The following CDK5RAP1 variants were observed in gnomAD, a reference collection of about 807,000 sequenced individuals.
The protein encoded by CDK5RAP1 is mitochondrial tRNA methylthiotransferase CDK5RAP1.
Under a neutral mutation model 64.5 loss-of-function variants are expected in CDK5RAP1, and 62 were observed. The observed-to-expected ratio is 0.96, with a 90% CI of 0.78 to 1.19. CDK5RAP1 has a LOEUF of 1.19. Among genes scored for constraint, CDK5RAP1 ranks in the 50% most tolerant of loss-of-function variants. CDK5RAP1 has a pLI of 0.00. For missense variants in CDK5RAP1, 657 were observed against 735.0 expected, an observed-to-expected ratio of 0.89 and a Z score of 1.23; for synonymous variants, 250 against 261.9, an observed-to-expected ratio of 0.95 and a Z score of 0.44.
intron 1 of CDK5RAP1, among the ~76,000 whole-genome samples, chr20:33,399,391 ATCACCCCC>A (rs1272927138): frequency 3.9e-5 from 6 of 152,142 alleles, no homozygotes; most frequent in African/African-American, 7.2e-5. Flanking sequence ...TGCTCTGGCC[ATCACCCCC>A]GAAGTCTAGG....
intron 12 of CDK5RAP1, among the ~76,000 whole-genome samples, chr20:33,361,111 T>C (rs1166798903): frequency 6.6e-6 from 1 of 152,180 alleles, no homozygotes; most frequent in Non-Finnish European, 1.5e-5. Context: ...TGTTTTCGGA[T>C]ACTGGACAAG....
At chr20:33,377,280 C>T (rs1391205107) in intron 8 of CDK5RAP1, among the ~76,000 whole-genome samples, 1 of 152,182 alleles carries the variant, frequency 6.6e-6, no homozygotes, top group Non-Finnish European at 1.5e-5. Flanking sequence ...ACATCTTCTT[C>T]CAACAGAAGA....
At chr20:33,389,497 G>C (rs1441745550) in intron 5 of CDK5RAP1, among the ~76,000 whole-genome samples, 26 of 151,482 alleles carry the variant, frequency 1.7e-4, no homozygotes, top group Non-Finnish European at 2.7e-4. Flanking sequence ...GGAGGTGGGG[G>C]TCAGCCCCCG....
In CDK5RAP1 at chr20:33,372,660, T is replaced by TA. The variant is rs1193961923; in HGVS notation, c.1242dup (p.Ile415TyrfsTer2). The TA allele has an allele frequency of 1.3e-6, 2 of 1,564,522 alleles. No individual in the cohort carries two copies. The highest frequency in any genetic ancestry group is 1.7e-6 in the Non-Finnish European group (2 of 1,158,986). Reference sequence around the variant, plus strand: ...AATGTACCTGGAATAGATTCTCTAATATGGTGAACTAACTCCACATAAGCT... The same window carrying TA: ...AATGTACCTGGAATAGATTCTCTAATAATGGTGAACTAACTCCACATAAGCT... On this transcript the variant is annotated frameshift_variant, in exon 10 of 14. Coordinates refer to ENST00000346416, the MANE Select transcript of CDK5RAP1 (RefSeq NM_016408.4). LOFTEE classifies it high-confidence loss of function.
In CDK5RAP1 at chr20:33,370,718, T is replaced by C. The variant is rs1037309139; in HGVS notation, c.1262-89A>G. 1.5e-5 allele frequency: 21 copies of C among 1,394,704 alleles called. No individual in the cohort carries two copies. The Admixed American group carries it at 1.7e-4, about 11-fold the overall frequency. The allele number at this position is 1,394,704 out of a possible 1,614,324, so 86.4% of individuals were successfully genotyped here. A position where few individuals can be genotyped will look rare whatever the true frequency, so the allele number is the denominator to read the frequency against. On this transcript the variant is annotated intron_variant, in intron 10 of 13. Coordinates refer to ENST00000346416, the MANE Select transcript of CDK5RAP1 (RefSeq NM_016408.4). ...GCATATGTGGATTACAAGGGAGGGA[T>C]AGCAACTGTAAGGTCCTCCCTAGGA...
chr20:33,389,704 T>G (rs1376847071), intron 5 of CDK5RAP1, among the ~76,000 whole-genome samples: 1 of 151,960 alleles, frequency 6.6e-6, no homozygotes, highest in Non-Finnish European at 1.5e-5. Context: ...GTCTGGGAGG[T>G]GTACACAACA....
intron 2 of CDK5RAP1, among the ~76,000 whole-genome samples, chr20:33,395,541 C>T (rs1374419661): frequency 6.6e-6 from 1 of 151,722 alleles, no homozygotes; most frequent in Non-Finnish European, 1.5e-5. Context: ...CTGAGGCTGC[C>T]GTGAGCCATG....
At chr20:33,366,033 T>C (rs1199075856) in intron 12 of CDK5RAP1, among the ~76,000 whole-genome samples, 2 of 152,120 alleles carry the variant, frequency 1.3e-5, no homozygotes, top group Non-Finnish European at 2.9e-5. Context: ...AGAAAGAGCT[T>C]TGTGGTCGAG....
rs1274996281 is a variant in CDK5RAP1, at chr20:33,396,775, C to T, written c.290G>A (p.Gly97Glu). The T allele has an allele frequency of 6.2e-7, 1 of 1,612,738 alleles. No individual in the cohort carries two copies. Among genetic ancestry groups the T allele is most frequent in the Admixed American group, 1.7e-5 (1 of 59,938 alleles). Residue 97 changes from glycine to glutamate, a missense_variant, in exon 2 of 14, where the codon GGA (glycine) becomes GAA (glutamate). Gly to Glu is a moderately conservative substitution (Grantham distance 98). Coordinates refer to ENST00000346416, the MANE Select transcript of CDK5RAP1 (RefSeq NM_016408.4). The stretch of plus-strand genomic sequence containing the variant: ...GTAAAACCAACCTTTTCTCTGCCTT[C>T]CAAGAAGTTCATCCATCATGAGATA... ...PPYLMMDELL[G>E]RQRKVYLETY...
At chr20:33,394,281 G>C (rs1469447091) in intron 3 of CDK5RAP1, among the ~76,000 whole-genome samples, 1 of 150,816 alleles carries the variant, frequency 6.6e-6, no homozygotes, top group Non-Finnish European at 1.5e-5. Context: ...TCCTGCCTCA[G>C]CCTGGGATTA....
intron 11 of CDK5RAP1, among the ~76,000 whole-genome samples, chr20:33,368,997 A>G (rs955290563): frequency 9.9e-5 from 15 of 151,606 alleles, no homozygotes; most frequent in African/African-American, 3.6e-4. Flanking sequence ...AAAATTAGCC[A>G]GGTGTGGTGG....
chr20:33,389,617 G>A (rs574284493), intron 5 of CDK5RAP1, among the ~76,000 whole-genome samples: 14 of 151,174 alleles, frequency 9.3e-5, no homozygotes, highest in South Asian at 2.1e-4. Flanking sequence ...CAGCCGCCCC[G>A]TCCAGGAGGT....
intron 13 of CDK5RAP1, 42 bp downstream of exon 13, chr20:33,360,309 T>C (rs762731437): frequency 1.3e-6 from 2 of 1,583,850 alleles, no homozygotes; most frequent in South Asian, 2.3e-5. Context: ...AAACCAACAC[T>C]CATTTCACAG....
At chr20:33,385,526 C>T in intron 7 of CDK5RAP1, 124 bp downstream of exon 7, 2 of 1,131,032 alleles carry the variant, frequency 1.8e-6, no homozygotes, top group Non-Finnish European at 2.5e-6. Flanking sequence ...AAAAGTAGTT[C>T]TTTCTGGCCA....
chr20:33,372,822 G>T, intron 9 of CDK5RAP1, 125 bp from the exon 10 acceptor site: 1 of 601,134 alleles, frequency 1.7e-6, no homozygotes, highest in Non-Finnish European at 2.9e-6. Flanking sequence ...GGGCACACGA[G>T]TAAATTAAAG....
chr20:33,370,682 G>A, intron 10 of CDK5RAP1, 53 bp from the exon 11 acceptor site: 1 of 1,603,202 alleles, frequency 6.2e-7, no homozygotes, highest in Middle Eastern at 1.7e-4. Context: ...TACCTTCAAG[G>A]GAGGCCTTCA....
At chr20:33,399,506 C>G (rs978700314) in intron 1 of CDK5RAP1, among the ~76,000 whole-genome samples, 3 of 152,186 alleles carry the variant, frequency 2.0e-5, no homozygotes, top group Non-Finnish European at 4.4e-5. Flanking sequence ...TTCTGCCAGC[C>G]CTAGTAAACT....
intron 1 of CDK5RAP1, among the ~76,000 whole-genome samples, chr20:33,399,419 C>T (rs959330588): frequency 6.6e-6 from 1 of 152,214 alleles, no homozygotes; most frequent in Non-Finnish European, 1.5e-5. Flanking sequence ...GTGGGGTCCT[C>T]CTCTGGGTTC....
intron 10 of CDK5RAP1, among the ~76,000 whole-genome samples, chr20:33,371,214 G>A (rs1476024863): frequency 6.6e-6 from 1 of 152,114 alleles, no homozygotes; most frequent in Non-Finnish European, 1.5e-5. Context: ...GATCACCTGA[G>A]CCCAGGGAGG....
Sources: allele counts gnomAD v4.1 joint callset (sites outside exome capture counted in the v4.1 genomes callset), GRCh38; gene constraint gnomAD v4.1.1; transcripts MANE v1.5; gene names NCBI Gene and HGNC (gene_info 2026-07-23, HGNC 2026-07-21).